The following TUT4 variants were observed in gnomAD, a reference collection of about 807,000 sequenced individuals.
TUT4 encodes terminal uridylyltransferase 4.
In TUT4, 36 loss-of-function variants were observed where a neutral mutation model predicts 192.2. That is an observed-to-expected ratio of 0.19 (90% CI 0.14 to 0.25). TUT4 has a LOEUF of 0.25. Ranked by LOEUF, TUT4 falls within the 10% of genes least tolerant of loss-of-function variation. The pLI is 1.00. For missense variants in TUT4, 1,493 were observed against 1,957.2 expected, an observed-to-expected ratio of 0.76 and a Z score of 4.47; for synonymous variants, 618 against 666.0, an observed-to-expected ratio of 0.93 and a Z score of 1.11.
chr1:52,483,287 CATCAATTTATA>C (rs1668960730), intron 9 of TUT4, among the ~76,000 whole-genome samples: 1 of 152,138 alleles, frequency 6.6e-6, no homozygotes, highest in Non-Finnish European at 1.5e-5. Context: ...TCATCCAATA[CATCAATTTATA>C]AGAGTTTTAA....
chr1:52,516,178 A>G, intron 2 of TUT4, 124 bp from the exon 3 acceptor site: 1 of 812,102 alleles, frequency 1.2e-6, no homozygotes, highest in Non-Finnish European at 1.9e-6. Context: ...TCCTTAGGAA[A>G]GTATACAAGT....
At chr1:52,520,171 CAGAG>C (rs1165797331) in intron 2 of TUT4, among the ~76,000 whole-genome samples, 2 of 152,050 alleles carry the variant, frequency 1.3e-5, no homozygotes, top group Admixed American at 6.6e-5. Context: ...GCGGATGGAG[CAGAG>C]AGAAAGGGTG....
intron 23 of TUT4, 36 bp from the exon 24 acceptor site, chr1:52,445,905 C>T (rs1350687148): frequency 1.9e-6 from 3 of 1,600,662 alleles, no homozygotes; most frequent in Admixed American, 1.7e-5. Context: ...AAGATGCAGA[C>T]ATTAATGTGT....
At chr1:52,535,897 T>C (rs1219838110) in intron 1 of TUT4, among the ~76,000 whole-genome samples, 1 of 152,132 alleles carries the variant, frequency 6.6e-6, no homozygotes, top group African/African-American at 2.4e-5. Context: ...AACTAAGAAT[T>C]CTCTAGCCAG....
At chr1:52,494,299 T>A (rs1266293807) in intron 6 of TUT4, among the ~76,000 whole-genome samples, 1 of 152,140 alleles carries the variant, frequency 6.6e-6, no homozygotes, top group Admixed American at 6.5e-5. Flanking sequence ...ATAAAAACTT[T>A]AAGGGATATA....
In TUT4 at chr1:52,526,354, G is replaced by A. The variant is rs536272326; in HGVS notation, c.-74C>T. 4 of 1,292,734 alleles carry A rather than the reference G, an allele frequency of 3.1e-6. No individual in the cohort carries two copies. Among genetic ancestry groups the A allele is most frequent in the African/African-American group, 3.0e-5 (2 of 65,786 alleles). 80.1% of individuals were successfully genotyped at this position (1,292,734 alleles called of 1,614,324 possible). On this transcript the variant is annotated 5_prime_UTR_variant, in exon 2 of 30. Coordinates refer to ENST00000257177, the MANE Select transcript of TUT4 (RefSeq NM_001009881.3). ...TCTCCAGTAGTTTAAATTGCTTCAA[G>A]TCCAGTTTAGGCAAGCAAACTATTG...
At chr1:52,528,266 T>G (rs1402238812) in intron 1 of TUT4, among the ~76,000 whole-genome samples, 1 of 150,964 alleles carries the variant, frequency 6.6e-6, no homozygotes, top group Non-Finnish European at 1.5e-5. Flanking sequence ...AGGCCGAGGC[T>G]GGCGGATTGA....
intron 27 of TUT4, chr1:52,432,600 A>G (rs533179109): frequency 6.6e-6 from 1 of 152,330 alleles, no homozygotes; most frequent in East Asian, 1.9e-4. Context: ...TCCTGGTTTA[A>G]TAAGAATAAA....
In TUT4 at chr1:52,526,291, T is replaced by A; in HGVS notation, c.-11A>T. 6.7e-7 allele frequency: 1 copy of A among 1,485,560 alleles called. No individual in the cohort carries two copies. Among genetic ancestry groups the A allele is most frequent in the Non-Finnish European group, 8.9e-7 (1 of 1,127,158 alleles). The allele number at this position is 1,485,560 out of a possible 1,614,324, so 92.0% of individuals were successfully genotyped here. A position where few individuals can be genotyped will look rare whatever the true frequency, so the allele number is the denominator to read the frequency against. ...TTTAGACTCTTCCATTATTTGAAAA[T>A]CTGTTTCTTTCCAATTGTGATATTA... On this transcript the variant is annotated 5_prime_UTR_variant, in exon 2 of 30. Coordinates refer to ENST00000257177, the MANE Select transcript of TUT4 (RefSeq NM_001009881.3).
chr1:52,462,637 C>T (rs1570568190), intron 16 of TUT4: 1 of 767,368 alleles, frequency 1.3e-6, no homozygotes, highest in East Asian at 1.3e-4. Flanking sequence ...GTATGTAAAG[C>T]ACTCAGCAGA....
intron 11 of TUT4, among the ~76,000 whole-genome samples, chr1:52,478,502 A>G (rs1254933142): frequency 1.3e-5 from 2 of 152,344 alleles, no homozygotes; most frequent in African/African-American, 4.8e-5. Flanking sequence ...CACATATATT[A>G]ACAATTCTAA....
chr1:52,455,249 AAT>A (rs1660545713), intron 20 of TUT4, among the ~76,000 whole-genome samples: 2 of 152,204 alleles, frequency 1.3e-5, no homozygotes, highest in Non-Finnish European at 2.9e-5. Context: ...GTGCCACTGT[AAT>A]CTAGCGTGGA....
intron 1 of TUT4, among the ~76,000 whole-genome samples, 196 bp downstream of exon 1, chr1:52,552,735 T>C (rs552083003): frequency 6.6e-6 from 1 of 152,198 alleles, no homozygotes; most frequent in Non-Finnish European, 1.5e-5. Flanking sequence ...TATCTCAGCC[T>C]TCCCCTGGGA....
chr1:52,445,865 G>C lies in TUT4; in HGVS notation c.3744C>G (p.Thr1248=), dbSNP rs202000815. ...TGATAAATGCTTTCATGATGAAATTGGTCACTATTAAAGAAAGAAGAAAAC... is the reference window on the plus strand; with the variant it reads ...TGATAAATGCTTTCATGATGAAATTCGTCACTATTAAAGAAAGAAGAAAAC... The part of the protein sequence containing the change: ...NLGAGVSRKM[T]NFIMKAFING... Residue 1248 remains threonine, a synonymous_variant, in exon 24 of 30, where the codon ACC becomes ACG. Transcript: ENST00000257177. 6.2e-7 allele frequency: 1 copy of C among 1,611,568 alleles called. No homozygotes were observed. The highest frequency in any genetic ancestry group is 8.5e-7 in the Non-Finnish European group (1 of 1,178,652).
chr1:52,523,627 C>A (rs903917327), intron 2 of TUT4, among the ~76,000 whole-genome samples: 60 of 151,546 alleles, frequency 4.0e-4, no homozygotes, highest in African/African-American at 1.4e-3. Context: ...AAAAAAAAAA[C>A]CACCACTATT....
chr1:52,429,268 G>A (rs1259355693), intron 28 of TUT4, among the ~76,000 whole-genome samples: 1 of 151,712 alleles, frequency 6.6e-6, no homozygotes, highest in Non-Finnish European at 1.5e-5. Flanking sequence ...TATTTTTTAA[G>A]TAGAGACGGG....
chr1:52,502,048 A>G (rs1674256872), intron 4 of TUT4, among the ~76,000 whole-genome samples: 1 of 152,092 alleles, frequency 6.6e-6, no homozygotes, highest in Admixed American at 6.6e-5. Context: ...ATTGCAAAAC[A>G]ATGTAAATGT....
intron 1 of TUT4, among the ~76,000 whole-genome samples, chr1:52,537,704 G>A (rs1685316458): frequency 6.6e-6 from 1 of 152,148 alleles, no homozygotes; most frequent in Non-Finnish European, 1.5e-5. Context: ...CCTGAGGTCA[G>A]GAACTCAAGA....
At chr1:52,475,795 GAGA>G (rs1666925467) in intron 12 of TUT4, among the ~76,000 whole-genome samples, 1 of 152,018 alleles carries the variant, frequency 6.6e-6, no homozygotes, top group East Asian at 1.9e-4. Context: ...TGGGATGGCT[GAGA>G]AGGCCAACTA....
Sources: gnomAD v4.1 joint callset for allele counts (sites outside exome capture counted in the v4.1 genomes callset) on GRCh38, gnomAD v4.1.1 for gene constraint, MANE v1.5 for transcripts, NCBI Gene and HGNC (gene_info 2026-07-23, HGNC 2026-07-21) for gene names.